Variants in ADAMTS17 observed in about 807,000 individuals in gnomAD.
ADAMTS17 encodes ADAM metallopeptidase with thrombospondin type 1 motif 17.
Under a neutral mutation model 141.5 loss-of-function variants are expected in ADAMTS17, and 113 were observed. The ratio of observed to expected loss-of-function variants is 0.80; its 90% confidence interval spans 0.69 to 0.93. ADAMTS17 has a LOEUF of 0.93. Ranked by LOEUF, ADAMTS17 falls within the 40% of genes least tolerant of loss-of-function variation. The pLI, the probability that ADAMTS17 is intolerant of heterozygous loss-of-function variation, is 0.00. For synonymous variants in ADAMTS17, 768 were observed against 630.6 expected, an observed-to-expected ratio of 1.22 and a Z score of -3.27; for missense variants, 1,659 against 1,517.9, an observed-to-expected ratio of 1.09 and a Z score of -1.54.
chr15:100,204,526 G>A (rs1463733202), intron 7 of ADAMTS17, among the ~76,000 whole-genome samples: 1 of 152,220 alleles, frequency 6.6e-6, no homozygotes. Flanking sequence ...TGGCTGAACA[G>A]CATTTAGGAG....
Position 100,234,286 on chromosome 15 carries a change from C to T in ADAMTS17, c.1075+19850G>A, listed in dbSNP as rs149919363. The stretch of plus-strand genomic sequence containing the variant: ...AAGAGCTAATAAAACTCGCAGCCAC[C>T]GTTTTCCACGAGGCAGACAGGCACT... On this transcript the variant is annotated intron_variant, in intron 7 of 21. Transcript: ENST00000268070. 8.7e-4 allele frequency among the ~76,000 whole-genome samples: 133 copies of T among 152,312 alleles called. 3 individuals carry two copies. Among genetic ancestry groups the T allele is most frequent in the African/African-American group, 3.0e-3 (126 of 41,566 alleles).
At chr15:100,188,956 C>G (rs1368328672) in intron 8 of ADAMTS17, among the ~76,000 whole-genome samples, 2 of 152,204 alleles carry the variant, frequency 1.3e-5, no homozygotes, top group Non-Finnish European at 2.9e-5. Context: ...GTTATATATA[C>G]CTGCAGCTGC....
At chr15:100,235,199 G>T (rs1001159741) in intron 7 of ADAMTS17, among the ~76,000 whole-genome samples, 1 of 152,156 alleles carries the variant, frequency 6.6e-6, no homozygotes, top group African/African-American at 2.4e-5. Context: ...TCTTCTGTCA[G>T]CAGTGGTGTG....
At chr15:100,028,606 C>G (rs1261028257) in intron 18 of ADAMTS17, among the ~76,000 whole-genome samples, 1 of 152,242 alleles carries the variant, frequency 6.6e-6, no homozygotes, top group Non-Finnish European at 1.5e-5. Context: ...TAGCTCGCAT[C>G]ATTCTCATGA....
At chr15:100,142,020 C>G (rs974993909) in intron 10 of ADAMTS17, among the ~76,000 whole-genome samples, 3 of 152,206 alleles carry the variant, frequency 2.0e-5, no homozygotes, top group Non-Finnish European at 4.4e-5. Flanking sequence ...TTTAGATGAG[C>G]AGTTTCCTAA....
In ADAMTS17 at chr15:100,067,894, G is replaced by A. The variant is rs183060252; in HGVS notation, c.2138-13840C>T. 9.9e-4 allele frequency among the ~76,000 whole-genome samples: 150 copies of A among 152,218 alleles called. 4 individuals carry two copies. In the East Asian group the frequency reaches 0.026, roughly 26 times the overall value. On this transcript the variant is annotated intron_variant, in intron 15 of 21. Coordinates refer to ENST00000268070, the MANE Select transcript of ADAMTS17 (RefSeq NM_139057.4). ...CGGGTTCATCTCACTGGGGAGTGTC[G>A]GAAAGTGGGTGCAGGACAGTGGGTG... is the stretch of plus-strand genomic sequence containing the variant.
chr15:100,093,479 A>G (rs1020024916), intron 15 of ADAMTS17, among the ~76,000 whole-genome samples: 12 of 152,138 alleles, frequency 7.9e-5, no homozygotes, highest in African/African-American at 2.9e-4. Flanking sequence ...TCCTATCTAA[A>G]CTGATAGGCC....
intron 3 of ADAMTS17, among the ~76,000 whole-genome samples, chr15:100,318,325 C>T (rs1247687835): frequency 6.6e-6 from 1 of 151,960 alleles, no homozygotes; most frequent in African/African-American, 2.4e-5. Context: ...GTTTATGTCC[C>T]CCTCAAATTC....
Position 100,158,831 on chromosome 15 carries a change from AAAG to A in ADAMTS17, c.1182-3514_1182-3512del, listed in dbSNP as rs569620653. On this transcript the variant is annotated intron_variant, in intron 8 of 21. Coordinates refer to ENST00000268070, the MANE Select transcript of ADAMTS17 (RefSeq NM_139057.4). The stretch of plus-strand genomic sequence containing the variant: ...TAAAGACTTGAGAAGACGTTTCTCT[AAAG>A]AAGACATACAAATGGCCAGCAGGCA... 2.6e-3 allele frequency among the ~76,000 whole-genome samples: 394 copies of A among 152,354 alleles called. 5 individuals carry two copies. The highest frequency in any genetic ancestry group is 8.9e-3 in the African/African-American group (370 of 41,572).
At chr15:100,244,767 C>T (rs2042936703) in intron 7 of ADAMTS17, among the ~76,000 whole-genome samples, 1 of 152,100 alleles carries the variant, frequency 6.6e-6, no homozygotes, top group Non-Finnish European at 1.5e-5. Flanking sequence ...TTCAATGGCA[C>T]TGGCTACAGA....
chr15:100,251,360 T>C (rs925242306), intron 7 of ADAMTS17, among the ~76,000 whole-genome samples: 1 of 152,202 alleles, frequency 6.6e-6, no homozygotes, highest in Non-Finnish European at 1.5e-5. Flanking sequence ...TTGACTTGTG[T>C]CCCCACAAAA....
intron 20 of ADAMTS17, among the ~76,000 whole-genome samples, chr15:99,984,985 C>T (rs572617193): frequency 1.3e-5 from 2 of 152,354 alleles, no homozygotes; most frequent in South Asian, 2.1e-4. Context: ...TTGGACCATT[C>T]GGCATGGCCC....
At chr15:99,984,932 A>T (rs1264310589) in intron 20 of ADAMTS17, among the ~76,000 whole-genome samples, 1 of 152,204 alleles carries the variant, frequency 6.6e-6, no homozygotes, top group Non-Finnish European at 1.5e-5. Flanking sequence ...CACTGAGCAA[A>T]TGGAGGGACG....
chr15:99,977,981 A>G (rs1232699126), intron 20 of ADAMTS17, among the ~76,000 whole-genome samples: 1 of 152,192 alleles, frequency 6.6e-6, no homozygotes, highest in Non-Finnish European at 1.5e-5. Context: ...AGCTGGAGCT[A>G]GGAATGGCAC....
In ADAMTS17 at chr15:100,109,117, C is replaced by T; in HGVS notation, c.1889-1G>A. The T allele has an allele frequency of 6.2e-7, 1 of 1,610,244 alleles. No homozygotes were observed. Among genetic ancestry groups the T allele is most frequent in the African/African-American group, 1.3e-5 (1 of 74,922 alleles). On this transcript the variant is annotated splice_acceptor_variant, in intron 13 of 21. Transcript: ENST00000268070. LOFTEE classifies it high-confidence loss of function. ...GAGCAGTAGAGTTCACATGGCTTAT[C>T]TGAGGAGGGAAAGGTTGGAGGACGT...
chr15:100,138,909 T>C (rs1207377861), intron 10 of ADAMTS17, among the ~76,000 whole-genome samples: 1 of 152,172 alleles, frequency 6.6e-6, no homozygotes, highest in Non-Finnish European at 1.5e-5. Flanking sequence ...TTAAAATGCT[T>C]TAATATACAT....
At chr15:100,059,172 T>G (rs745442761) in intron 15 of ADAMTS17, among the ~76,000 whole-genome samples, 3 of 152,128 alleles carry the variant, frequency 2.0e-5, no homozygotes, top group Non-Finnish European at 4.4e-5. Context: ...AGCCGATGAG[T>G]TGGAGAACTC....
chr15:100,108,657 G>A (rs1252923575), intron 14 of ADAMTS17, among the ~76,000 whole-genome samples: 1 of 152,214 alleles, frequency 6.6e-6, no homozygotes, highest in Non-Finnish European at 1.5e-5. Context: ...ACTAAATGGG[G>A]CCTGGCTTGT....
chr15:100,055,151 T>C (rs916010602), intron 15 of ADAMTS17, among the ~76,000 whole-genome samples: 2 of 152,140 alleles, frequency 1.3e-5, no homozygotes, highest in East Asian at 1.9e-4. Context: ...TACACACAAC[T>C]GGAGCCCCAA....
Sources: allele counts gnomAD v4.1 joint callset (sites outside exome capture counted in the v4.1 genomes callset), GRCh38; gene constraint gnomAD v4.1.1; transcripts MANE v1.5; gene names NCBI Gene and HGNC (gene_info 2026-07-23, HGNC 2026-07-21).